FARP2: variants seen among roughly 807,000 people sequenced by gnomAD.
FARP2 encodes the protein FERM, ARHGEF and pleckstrin domain-containing protein 2.
Under a neutral mutation model 130.5 loss-of-function variants are expected in FARP2, and 111 were observed. The observed-to-expected ratio is 0.85, with a 90% CI of 0.73 to 1.00. The LOEUF (loss-of-function observed/expected upper bound fraction) is 1.00, where lower values mean the gene tolerates loss of function less well. FARP2 is among the 50% of genes least tolerant of loss of function. The pLI, the probability that FARP2 is intolerant of heterozygous loss-of-function variation, is 0.00. For missense variants in FARP2, 1,385 were observed against 1,346.3 expected, an observed-to-expected ratio of 1.03 and a Z score of -0.45; for synonymous variants, 504 against 516.9, an observed-to-expected ratio of 0.98 and a Z score of 0.34.
intron 2 of FARP2, among the ~76,000 whole-genome samples, chr2:241,373,953 A>C (rs2061479153): frequency 6.6e-6 from 1 of 152,132 alleles, no homozygotes; most frequent in African/African-American, 2.4e-5. Flanking sequence ...GATGTATTAG[A>C]AAACATTTTT....
At chr2:241,418,725 T>C (rs1344538181) in intron 8 of FARP2, among the ~76,000 whole-genome samples, 2 of 152,200 alleles carry the variant, frequency 1.3e-5, no homozygotes, top group African/African-American at 2.4e-5. Context: ...TGTGTGTGTA[T>C]GCTGGGGTTT....
intron 12 of FARP2, among the ~76,000 whole-genome samples, chr2:241,437,666 A>ATTTTTTTTTTT (rs1243876155): frequency 7.0e-5 from 9 of 129,260 alleles, no homozygotes; most frequent in Non-Finnish European, 1.4e-4. Context: ...TTATTTATTT[A>ATTTTTTTTTTT]TTTATTTTTT....
rs1057346166 is a variant in FARP2 at position 241,494,359 on chromosome 2, G to C, written c.*234G>C. On this transcript the variant is annotated 3_prime_UTR_variant, in exon 27 of 27. Coordinates refer to ENST00000264042, the MANE Select transcript of FARP2 (RefSeq NM_014808.4). The surrounding 1 kb of genome is among the most constrained non-coding windows in gnomAD (Gnocchi z 4.9). ...GCCCTGGGAAAAATGTGCGAGTCTT[G>C]AGCGCGGAGCCGCTCAAGCCACAGC... 1.5e-5 allele frequency: 5 copies of C among 342,888 alleles called. No individual in the cohort carries two copies. In the South Asian group the frequency reaches 6.8e-4, roughly 47 times the overall value. 21.2% of individuals were successfully genotyped at this position (342,888 alleles called of 1,614,324 possible). A position where few individuals can be genotyped will look rare whatever the true frequency, so the allele number is the denominator to read the frequency against.
Position 241,459,445 on chromosome 2 carries a change from G to A in FARP2, c.1587+2523G>A, listed in dbSNP as rs952268201. ...GCTGTGCGGGGAGGGGCAAAGAGCT[G>A]CCCACCCTCCAGCCCACCCTCGCCA... On this transcript the variant is annotated intron_variant, in intron 14 of 26. Transcript: ENST00000264042. The surrounding 1 kb of genome is among the most constrained non-coding windows in gnomAD (Gnocchi z 5.3). Among the ~76,000 whole-genome samples the A allele has an allele frequency of 1.3e-5, 2 of 152,166 alleles. No homozygotes were observed. The highest frequency in any genetic ancestry group is 2.9e-5 in the Non-Finnish European group (2 of 68,010).
At chr2:241,418,245 A>G (rs1472521094) in intron 8 of FARP2, 136 bp downstream of exon 8, 10 of 838,248 alleles carry the variant, frequency 1.2e-5, no homozygotes, top group Non-Finnish European at 1.7e-5. Flanking sequence ...GGGGCTTTGC[A>G]TATCATCCAA....
intron 2 of FARP2, among the ~76,000 whole-genome samples, chr2:241,383,608 AG>A (rs1262002942): frequency 6.6e-6 from 1 of 152,144 alleles, no homozygotes; most frequent in African/African-American, 2.4e-5. Flanking sequence ...TCAGGACAAG[AG>A]GGGAGCCTTT....
intron 1 of FARP2, 24 bp from the exon 2 acceptor site, chr2:241,373,060 T>A (rs775418921): frequency 1.8e-6 from 2 of 1,103,972 alleles, no homozygotes; most frequent in Admixed American, 3.1e-5. Flanking sequence ...TTCCTTCATG[T>A]GGTTTTTTTT....
In FARP2 at chr2:241,435,034, A is replaced by G; in HGVS notation, c.1100+4A>G. The stretch of plus-strand genomic sequence containing the variant: ...TGAAGAGAATTCCATATGAAAGGTA[A>G]GCTCTGGCCTTTATGATGTAAAGTG... On this transcript the variant is annotated splice_donor_region_variant and intron_variant, in intron 11 of 26. Coordinates refer to ENST00000264042, the MANE Select transcript of FARP2 (RefSeq NM_014808.4). 1 of 1,551,530 alleles carries G rather than the reference A, an allele frequency of 6.4e-7. No homozygotes were observed. Among genetic ancestry groups the G allele is most frequent in the African/African-American group, 1.4e-5 (1 of 72,860 alleles).
At chr2:241,373,368 G>C (rs2061465057) in intron 2 of FARP2, 78 bp downstream of exon 2, 10 of 1,060,306 alleles carry the variant, frequency 9.4e-6, no homozygotes, top group Non-Finnish European at 1.2e-5. Flanking sequence ...CCATTTTGCT[G>C]GTTAGACTTT....
intron 19 of FARP2, chr2:241,478,923 C>T (rs936470082): frequency 4.9e-6 from 2 of 406,832 alleles, no homozygotes; most frequent in Non-Finnish European, 4.7e-6. Flanking sequence ...CTTCACAACA[C>T]CCCATACAGT....
intron 2 of FARP2, among the ~76,000 whole-genome samples, chr2:241,390,918 T>C (rs189837005): frequency 1.3e-5 from 2 of 152,322 alleles, no homozygotes; most frequent in African/African-American, 2.4e-5. Context: ...AATGGTCTTA[T>C]TGGCCTTTTT....
At chr2:241,388,018 A>G (rs2061828831) in intron 2 of FARP2, among the ~76,000 whole-genome samples, 1 of 152,196 alleles carries the variant, frequency 6.6e-6, no homozygotes, top group South Asian at 2.1e-4. Context: ...TACAGATTCA[A>G]TATGATTTCC....
chr2:241,491,640 C>T lies in FARP2; in HGVS notation c.2748C>T (p.Asn916=). Residue 916 remains asparagine (N), a synonymous_variant, in exon 24 of 27, where the codon AAC becomes AAT. Coordinates refer to ENST00000264042, the MANE Select transcript of FARP2 (RefSeq NM_014808.4). The part of the protein sequence containing the change: ...NTTMHVCWYR[N]TSVSRADHSA... The stretch of plus-strand genomic sequence containing the variant: ...CAATGCACGTGTGCTGGTACCGGAA[C>T]ACCAGCGTGTCCAGGGCAGACCACA... 3.1e-6 allele frequency: 5 copies of T among 1,613,036 alleles called. No individual in the cohort carries two copies. The highest frequency in any genetic ancestry group is 4.2e-6 in the Non-Finnish European group (5 of 1,179,602).
rs759908301 is a variant in FARP2 at position 241,456,729 on chromosome 2, C to G, written c.1412-18C>G. On this transcript the variant is annotated intron_variant, in intron 13 of 26. Coordinates refer to ENST00000264042, the MANE Select transcript of FARP2 (RefSeq NM_014808.4). The stretch of plus-strand genomic sequence containing the variant: ...CTTTCTCATTTCTCGCTCCATCCCC[C>G]TCCCCGTTCATTTCCAGGCCTTTCC... The G allele has an allele frequency of 6.2e-7, 1 of 1,613,932 alleles. No homozygotes were observed. The highest frequency in any genetic ancestry group is 1.7e-5 in the Admixed American group (1 of 60,020).
rs1414846896 is a variant in FARP2 at position 241,463,350 on chromosome 2, G to A, written c.1693G>A (p.Val565Met). The A allele has an allele frequency of 4.3e-6, 7 of 1,613,980 alleles. No homozygotes were observed. Among genetic ancestry groups the A allele is most frequent in the Non-Finnish European group, 5.9e-6 (7 of 1,180,004 alleles). ...CTTCCCACAGTGGTTCCGCAGCGCA[G>A]TGGTGAAGGAGGACGCCATGCCTGC... ...EVITVWFRSA[V>M]VKEDAMPATL... The change falls in exon 16 of 27, where the codon GTG becomes ATG. Residue 565 changes from valine (V) to methionine (M), a missense_variant. Coordinates refer to ENST00000264042, the MANE Select transcript of FARP2 (RefSeq NM_014808.4).
In FARP2 at chr2:241,447,464, C is replaced by T. The variant is rs79241519; in HGVS notation, c.1411+5908C>T. Among the ~76,000 whole-genome samples the T allele has an allele frequency of 4.6e-3, 701 of 152,210 alleles. 3 individuals are homozygous for T. The highest frequency in any genetic ancestry group is 0.016 in the African/African-American group (671 of 41,524). On this transcript the variant is annotated intron_variant, in intron 13 of 26. Coordinates refer to ENST00000264042, the MANE Select transcript of FARP2 (RefSeq NM_014808.4). ...CGGCAGAGCTGGGTGTCGGGGAGGA[C>T]GTGCCGTGCAGGCCCCCACCACACC... is the stretch of plus-strand genomic sequence containing the variant.
chr2:241,482,021 CTT>C lies in FARP2; in HGVS notation c.2263-1443_2263-1442del, dbSNP rs1427958866. On this transcript the variant is annotated intron_variant, in intron 19 of 26. Coordinates refer to ENST00000264042, the MANE Select transcript of FARP2 (RefSeq NM_014808.4). The surrounding 1 kb of genome is among the most constrained non-coding windows in gnomAD (Gnocchi z 4.6). ...GTCATGTCTGGATAGCCCAGAATTT[CTT>C]GTCTTCCTGAGTTAAATATGTGTGT... 6.6e-6 allele frequency among the ~76,000 whole-genome samples: 1 copy of C among 152,222 alleles called. No individual in the cohort carries two copies. The highest frequency in any genetic ancestry group is 1.5e-5 in the Non-Finnish European group (1 of 68,044).
intron 13 of FARP2, chr2:241,441,800 C>G (rs924869475): frequency 4.9e-6 from 3 of 611,480 alleles, no homozygotes; most frequent in African/African-American, 3.7e-5. Flanking sequence ...CTGCAGGTAT[C>G]TGAGGAGTTC....
At position 241,456,734 on chromosome 2, in the gene FARP2, C is replaced by A; in HGVS notation, c.1412-13C>A. 2 of 1,614,006 alleles carry A rather than the reference C, an allele frequency of 1.2e-6. No homozygotes were observed. The highest frequency in any genetic ancestry group is 2.2e-5 in the South Asian group (2 of 91,074). On this transcript the variant is annotated splice_polypyrimidine_tract_variant and intron_variant, in intron 13 of 26. Coordinates refer to ENST00000264042, the MANE Select transcript of FARP2 (RefSeq NM_014808.4). The stretch of plus-strand genomic sequence containing the variant: ...TCATTTCTCGCTCCATCCCCCTCCC[C>A]GTTCATTTCCAGGCCTTTCCACGAA...
Sources: gnomAD v4.1 joint callset for allele counts (sites outside exome capture counted in the v4.1 genomes callset) on GRCh38, gnomAD v4.1.1 for gene constraint, Gnocchi (gnomAD v3.1) non-coding constraint, MANE v1.5 for transcripts, NCBI Gene and HGNC (gene_info 2026-07-23, HGNC 2026-07-21) for gene names.